The following ARID2 variants were observed in gnomAD, a reference collection of about 807,000 sequenced individuals.
ARID2 encodes the protein AT-rich interactive domain-containing protein 2.
In ARID2, 32 loss-of-function variants were observed where a neutral mutation model predicts 184.6. The observed-to-expected ratio is 0.17, with a 90% CI of 0.13 to 0.23. ARID2 has a LOEUF of 0.23. Among genes scored for constraint, ARID2 ranks in the 10% least tolerant of loss-of-function variants. The pLI, the probability that ARID2 is intolerant of heterozygous loss-of-function variation, is 1.00. For synonymous variants in ARID2, 836 were observed against 772.6 expected (o/e 1.08, Z -1.36); for missense variants, 1,696 against 2,197.6 (o/e 0.77, Z 4.56).
intron 3 of ARID2, among the ~76,000 whole-genome samples, chr12:45,800,715 C>T (rs1440507450): frequency 6.6e-6 from 1 of 151,736 alleles, no homozygotes; most frequent in Non-Finnish European, 1.5e-5. Context: ...CGAGATAAGC[C>T]TGGAATATCT....
intron 6 of ARID2, among the ~76,000 whole-genome samples, chr12:45,836,066 T>A (rs1342439908): frequency 6.6e-6 from 1 of 152,162 alleles, no homozygotes; most frequent in Non-Finnish European, 1.5e-5. Flanking sequence ...CATAAAAAGA[T>A]GCCTTTTTAT....
chr12:45,871,265 C>T (rs1211957304), intron 16 of ARID2, among the ~76,000 whole-genome samples: 1 of 152,070 alleles, frequency 6.6e-6, no homozygotes, highest in Non-Finnish European at 1.5e-5. Flanking sequence ...TGGTGGGTGT[C>T]TATTCAGATA....
At chr12:45,794,585 T>G (rs1332001371) in intron 3 of ARID2, among the ~76,000 whole-genome samples, 1 of 152,118 alleles carries the variant, frequency 6.6e-6, no homozygotes, top group Non-Finnish European at 1.5e-5. Context: ...AGTCTTTAGG[T>G]CAGGTCTCCA....
At chr12:45,824,708 G>A (rs988264528) in intron 6 of ARID2, among the ~76,000 whole-genome samples, 2 of 151,736 alleles carry the variant, frequency 1.3e-5, no homozygotes, top group African/African-American at 4.8e-5. Flanking sequence ...TATGGAAAAC[G>A]GTATCCCACT....
intron 16 of ARID2, among the ~76,000 whole-genome samples, chr12:45,884,824 A>C (rs1334442423): frequency 6.6e-6 from 1 of 152,176 alleles, no homozygotes; most frequent in Non-Finnish European, 1.5e-5. Flanking sequence ...AAGAAGGCCA[A>C]ATACTTGCTT....
Position 45,836,793 on chromosome 12 carries a change from G to A in ARID2, c.825G>A (p.Lys275=), listed in dbSNP as rs934729661. The A allele has an allele frequency of 1.2e-6, 2 of 1,614,076 alleles. No individual in the cohort carries two copies. The highest frequency in any genetic ancestry group is 1.7e-6 in the Non-Finnish European group (2 of 1,179,970). The part of the protein sequence containing the change: ...IWESLFHPPR[K]LGINDIEGQR... ...AGTCTTTATTTCATCCACCTCGAAA[G>A]CTGGGCATTAACGATATTGAAGGAC... The change falls in exon 8 of 21, where the codon AAG becomes AAA. Residue 275 remains lysine, a synonymous_variant. Transcript: ENST00000334344.
intron 20 of ARID2, among the ~76,000 whole-genome samples, chr12:45,896,526 CA>C (rs1485146899): frequency 6.6e-6 from 1 of 152,156 alleles, no homozygotes; most frequent in East Asian, 1.9e-4. Context: ...AGTGTGCCTG[CA>C]AAAGCTCTCT....
chr12:45,780,805 T>G (rs201131493), intron 3 of ARID2, among the ~76,000 whole-genome samples: 2 of 151,698 alleles, frequency 1.3e-5, no homozygotes, highest in African/African-American at 4.8e-5. Flanking sequence ...TTTTTAGTAG[T>G]GATGGGGTTT....
At position 45,851,068 on chromosome 12, in the gene ARID2, A is replaced by G. The variant is rs1027450102; in HGVS notation, c.2945A>G (p.Asn982Ser). The G allele has an allele frequency of 1.2e-6, 2 of 1,614,014 alleles. No homozygotes were observed. The highest frequency in any genetic ancestry group is 1.7e-6 in the Non-Finnish European group (2 of 1,179,972). ...CCATCACCTGTCCCAGCTACTAATA[A>G]CCAAGTCCCTACTGCCATGTCGTCG... ...SSPSPVPATNNQVPTAMSSSS... is the reference protein window; with the variant it reads ...SSPSPVPATNSQVPTAMSSSS... Residue 982 changes from asparagine to serine, a missense_variant, in exon 15 of 21, where the codon AAC (asparagine) becomes AGC (serine). By Grantham distance (46) the Asn-to-Ser change is conservative. Coordinates refer to ENST00000334344, the MANE Select transcript of ARID2 (RefSeq NM_152641.4).
rs998561254 is a variant in ARID2 at position 45,907,065 on chromosome 12, A to G, written c.*1987A>G. Reference sequence around the variant, plus strand: ...CGCTGTCCTGCCATGTCTCAAAGGAATGTTTGAGAAACTTCATCTAATATT... The same window carrying G: ...CGCTGTCCTGCCATGTCTCAAAGGAGTGTTTGAGAAACTTCATCTAATATT... On this transcript the variant is annotated 3_prime_UTR_variant, in exon 21 of 21. Transcript: ENST00000334344. 2 of 231,886 alleles carry G rather than the reference A, an allele frequency of 8.6e-6. No homozygotes were observed. The highest frequency in any genetic ancestry group is 4.4e-5 in the African/African-American group (2 of 45,296). 14.4% of individuals were successfully genotyped at this position (231,886 alleles called of 1,614,324 possible). A position where few individuals can be genotyped will look rare whatever the true frequency, so the allele number is the denominator to read the frequency against.
At chr12:45,829,319 T>C (rs1273633415) in intron 6 of ARID2, among the ~76,000 whole-genome samples, 1 of 152,066 alleles carries the variant, frequency 6.6e-6, no homozygotes, top group East Asian at 1.9e-4. Context: ...TCAGTAAAAA[T>C]TTGTGTTTTC....
At chr12:45,861,759 T>G (rs1368821827) in intron 16 of ARID2, among the ~76,000 whole-genome samples, 5 of 151,142 alleles carry the variant, frequency 3.3e-5, no homozygotes, top group African/African-American at 9.7e-5. Flanking sequence ...TAATTTTTGT[T>G]TTTTTTTTCA....
At chr12:45,896,176 G>A (rs1944365677) in intron 20 of ARID2, among the ~76,000 whole-genome samples, 1 of 152,202 alleles carries the variant, frequency 6.6e-6, no homozygotes, top group African/African-American at 2.4e-5. Flanking sequence ...CTGCGGAGAT[G>A]GTCAATGTGC....
At chr12:45,785,737 C>A (rs1942185204) in intron 3 of ARID2, among the ~76,000 whole-genome samples, 2 of 152,036 alleles carry the variant, frequency 1.3e-5, no homozygotes, top group African/African-American at 4.8e-5. Flanking sequence ...AAACACCCCC[C>A]CAAATCCAAA....
intron 16 of ARID2, chr12:45,881,905 C>T: frequency 4.9e-6 from 1 of 205,694 alleles, no homozygotes; most frequent in Non-Finnish European, 1.0e-5. Flanking sequence ...GTTTTCACCC[C>T]AGAGCCGTGG....
rs1944529583 is a variant in ARID2 at position 45,906,260 on chromosome 12, A to C, written c.*1182A>C. 8.6e-6 allele frequency: 2 copies of C among 232,878 alleles called. No homozygotes were observed. Among genetic ancestry groups the C allele is most frequent in the East Asian group, 6.1e-5 (1 of 16,436 alleles). The allele number at this position is 232,878 out of a possible 1,614,324, so 14.4% of individuals were successfully genotyped here. On this transcript the variant is annotated 3_prime_UTR_variant, in exon 21 of 21. Transcript: ENST00000334344. ...CTATCTTAATATAGTGTGGAATTTT[A>C]TTGTATTATTCTTCCATTCTTAATA...
intron 3 of ARID2, 44 bp from the exon 4 acceptor site, chr12:45,811,374 T>C (rs778897506): frequency 6.4e-7 from 1 of 1,566,826 alleles, no homozygotes; most frequent in Admixed American, 1.9e-5. Flanking sequence ...AAATAAGATA[T>C]AAATCTATTT....
intron 3 of ARID2, among the ~76,000 whole-genome samples, chr12:45,782,726 T>C (rs1942119751): frequency 6.6e-6 from 1 of 152,132 alleles, no homozygotes. Context: ...ACTAAAGTCC[T>C]TTTTGTCAAC....
At chr12:45,753,425 C>G (rs1941505752) in intron 3 of ARID2, among the ~76,000 whole-genome samples, 1 of 152,166 alleles carries the variant, frequency 6.6e-6, no homozygotes, top group African/African-American at 2.4e-5. Context: ...TGACCTTGGG[C>G]AAGTTACTCT....
Sources: gnomAD v4.1 joint callset for allele counts (sites outside exome capture counted in the v4.1 genomes callset) on GRCh38, gnomAD v4.1.1 for gene constraint, MANE v1.5 for transcripts, NCBI Gene and HGNC (gene_info 2026-07-23, HGNC 2026-07-21) for gene names.